The following KCTD21 variants were observed in gnomAD, a reference collection of about 807,000 sequenced individuals.
KCTD21 encodes the protein BTB/POZ domain-containing protein KCTD21.
In KCTD21, 9 loss-of-function variants were observed where a neutral mutation model predicts 13.2. The observed-to-expected ratio is 0.68, with a 90% confidence interval of 0.41 to 1.19. The LOEUF (loss-of-function observed/expected upper bound fraction) is 1.19. Among genes scored for constraint, KCTD21 ranks in the 50% most tolerant of loss-of-function variants. The pLI, the probability that KCTD21 is intolerant of heterozygous loss-of-function variation, is 0.01. For missense variants in KCTD21, 303 were observed against 336.5 expected (o/e 0.90, Z 0.78); for synonymous variants, 142 against 137.4 (o/e 1.03, Z -0.23).
chr11:78,184,070 AG>A (rs1046568670), intron 1 of KCTD21, among the ~76,000 whole-genome samples: 2 of 152,250 alleles, frequency 1.3e-5, no homozygotes, highest in Non-Finnish European at 2.9e-5. Context: ...AAAGGTTATC[AG>A]GAACACATAA....
intron 1 of KCTD21, among the ~76,000 whole-genome samples, chr11:78,175,494 T>A (rs564594101): frequency 2.0e-5 from 3 of 152,300 alleles, no homozygotes; most frequent in Non-Finnish European, 2.9e-5. Context: ...AAGAAAAATG[T>A]GTAAATGCTT....
intron 1 of KCTD21, chr11:78,176,451 TCAC>T (rs773711095): frequency 2.6e-5 from 4 of 152,302 alleles, no homozygotes; most frequent in African/African-American, 4.8e-5. Context: ...CAAGTCTCCT[TCAC>T]CACATGTTCT....
rs1037286643 is a variant in KCTD21 at position 78,188,625 on chromosome 11, G to T, written c.-82C>A. ...CTCCGCGAGCGGCCAGCGCAGCTTT[G>T]CGAGGGGGGCGGAGGGTAGGAGCCC... On this transcript the variant is annotated 5_prime_UTR_variant, in exon 1 of 2. Coordinates refer to ENST00000340067, the MANE Select transcript of KCTD21 (RefSeq NM_001029859.3). The T allele has an allele frequency of 4.8e-5, 47 of 985,356 alleles. No homozygotes were observed. Among genetic ancestry groups the T allele is most frequent in the Non-Finnish European group, 5.5e-5 (46 of 829,982 alleles). The allele number at this position is 985,356 out of a possible 1,614,324, so 61.0% of individuals were successfully genotyped here.
intron 1 of KCTD21, among the ~76,000 whole-genome samples, chr11:78,177,420 G>C (rs1590876343): frequency 6.6e-6 from 1 of 152,202 alleles, no homozygotes; most frequent in Admixed American, 6.5e-5. Context: ...AGGTGTGGGC[G>C]AGCTGCCGCT....
At chr11:78,187,156 T>C in intron 1 of KCTD21, 1 of 985,336 alleles carries the variant, frequency 1.0e-6, no homozygotes, top group Non-Finnish European at 1.2e-6. Flanking sequence ...AAAAAGACAA[T>C]GCTCAGAGTG....
chr11:78,174,845 C>T (rs1337442986), intron 1 of KCTD21: 2 of 332,282 alleles, frequency 6.0e-6, no homozygotes, highest in Non-Finnish European at 1.1e-5. Context: ...CCGCGCCCCC[C>T]TCTGCTGCCG....
chr11:78,176,465 A>G (rs1862452048), intron 1 of KCTD21, among the ~76,000 whole-genome samples: 1 of 152,324 alleles, frequency 6.6e-6, no homozygotes, highest in Non-Finnish European at 1.5e-5. Flanking sequence ...CACATGTTCT[A>G]GAAAACAGGA....
rs1862282977 is a variant in KCTD21 at position 78,171,620 on chromosome 11, G to C, written c.*2152C>G. 6.6e-6 allele frequency: 1 copy of C among 152,188 alleles called. No individual in the cohort carries two copies. Among genetic ancestry groups the C allele is most frequent in the African/African-American group, 2.4e-5 (1 of 41,420 alleles). The allele number at this position is 152,188 out of a possible 1,614,324, so 9.4% of individuals were successfully genotyped here. A position where few individuals can be genotyped will look rare whatever the true frequency, so the allele number is the denominator to read the frequency against. ...TGAGGGGCTCTCCCAAGTACCCTTG[G>C]CCTGGGACAGCTGTCTTTTTTTGGG... On this transcript the variant is annotated 3_prime_UTR_variant, in exon 2 of 2. Coordinates refer to ENST00000340067, the MANE Select transcript of KCTD21 (RefSeq NM_001029859.3).
intron 1 of KCTD21, among the ~76,000 whole-genome samples, chr11:78,182,241 A>T (rs1862646084): frequency 6.6e-6 from 1 of 152,162 alleles, no homozygotes; most frequent in Non-Finnish European, 1.5e-5. Flanking sequence ...GCAGTGAGCC[A>T]AGACTGTGCC....
At chr11:78,180,423 G>T (rs1201483128) in intron 1 of KCTD21, among the ~76,000 whole-genome samples, 1 of 152,258 alleles carries the variant, frequency 6.6e-6, no homozygotes, top group Non-Finnish European at 1.5e-5. Context: ...CACTTTGGGA[G>T]GCTGAGGCGG....
At chr11:78,187,717 G>A (rs544553521) in intron 1 of KCTD21, 1 of 985,442 alleles carries the variant, frequency 1.0e-6, no homozygotes, top group Non-Finnish European at 1.2e-6. Context: ...ACTATAGGAG[G>A]GCTGCCTTAC....
chr11:78,188,391 C>G, intron 1 of KCTD21, 182 bp downstream of exon 1: 1 of 985,662 alleles, frequency 1.0e-6, no homozygotes, highest in Middle Eastern at 5.2e-4. Flanking sequence ...CTGCCCACTT[C>G]GGCTCACCTC....
chr11:78,174,250 T>TCCAC lies in KCTD21; in HGVS notation c.301_304dup (p.Glu102GlyfsTer62). 6.2e-7 allele frequency: 1 copy of TCCAC among 1,613,982 alleles called. No individual in the cohort carries two copies. Among genetic ancestry groups the TCCAC allele is most frequent in the South Asian group, 1.1e-5 (1 of 91,070 alleles). The stretch of plus-strand genomic sequence containing the variant: ...GGCATTCTTCTCGGCCTTGGAGAGC[T>TCCAC]CCACTTCCTTCTCCTGCAGGGCCTC... On this transcript the variant is annotated frameshift_variant, in exon 2 of 2. Coordinates refer to ENST00000340067, the MANE Select transcript of KCTD21 (RefSeq NM_001029859.3). LOFTEE classifies it high-confidence loss of function.
intron 1 of KCTD21, among the ~76,000 whole-genome samples, chr11:78,180,546 C>T (rs1862586300): frequency 6.6e-6 from 1 of 152,188 alleles, no homozygotes; most frequent in Admixed American, 6.5e-5. Context: ...CTAACAAATA[C>T]TCCAGCAAAG....
chr11:78,173,706 G>T lies in KCTD21; in HGVS notation c.*66C>A. ...CCCTGCCTCGCACCACTGGCGAGAT[G>T]CCCTCCAAGACCTGGCTGACATGAG... is the stretch of plus-strand genomic sequence containing the variant. On this transcript the variant is annotated 3_prime_UTR_variant, in exon 2 of 2. Transcript: ENST00000340067. 1 of 1,354,060 alleles carries T rather than the reference G, an allele frequency of 7.4e-7. No homozygotes were observed. Among genetic ancestry groups the T allele is most frequent in the Non-Finnish European group, 1.0e-6 (1 of 973,368 alleles). The allele number at this position is 1,354,060 out of a possible 1,614,324, so 83.9% of individuals were successfully genotyped here. A position where few individuals can be genotyped will look rare whatever the true frequency, so the allele number is the denominator to read the frequency against.
chr11:78,186,178 C>T (rs1862756724), intron 1 of KCTD21, among the ~76,000 whole-genome samples: 2 of 150,366 alleles, frequency 1.3e-5, no homozygotes, highest in Non-Finnish European at 3.0e-5. Context: ...GAGTTTGAGA[C>T]CACCTGGACA....
intron 1 of KCTD21, among the ~76,000 whole-genome samples, chr11:78,183,311 G>A (rs920793089): frequency 5.3e-5 from 8 of 152,098 alleles, no homozygotes; most frequent in South Asian, 2.1e-4. Flanking sequence ...CGAGGCGGGC[G>A]GATCACCTGA....
rs774724314 is a variant in KCTD21 at position 78,174,204 on chromosome 11, G to A, written c.351C>T (p.Asn117=). The change falls in exon 2 of 2, where the codon AAC becomes AAT. Residue 117 remains asparagine (N), a synonymous_variant. Coordinates refer to ENST00000340067, the MANE Select transcript of KCTD21 (RefSeq NM_001029859.3). ...TGAAGTGGACCGTCTGCACACGCTGGTTCAGTGTGATGTTGAGCATGGCAT... is the reference window on the plus strand; with the variant it reads ...TGAAGTGGACCGTCTGCACACGCTGATTCAGTGTGATGTTGAGCATGGCAT... ...EKNAMLNITL[N]QRVQTVHFTV... The A allele has an allele frequency of 7.4e-6, 12 of 1,614,082 alleles. No homozygotes were observed. The highest frequency in any genetic ancestry group is 8.5e-6 in the Non-Finnish European group (10 of 1,180,012).
At chr11:78,186,329 G>GCC (rs139281256) in intron 1 of KCTD21, among the ~76,000 whole-genome samples, 14,948 of 124,596 alleles carry the variant, frequency 0.12, 1,007 homozygotes, top group Middle Eastern at 0.18. Context: ...CCGAGATCAC[G>GCC]CCACTGCACT....
Sources: gnomAD v4.1 joint callset for allele counts (sites outside exome capture counted in the v4.1 genomes callset) on GRCh38, gnomAD v4.1.1 for gene constraint, MANE v1.5 for transcripts, NCBI Gene and HGNC (gene_info 2026-07-23, HGNC 2026-07-21) for gene names.